The following GRIN2A variants were observed in gnomAD, a reference collection of about 807,000 sequenced individuals.
GRIN2A encodes glutamate receptor ionotropic, NMDA 2A.
A neutral mutation model predicts 113.4 loss-of-function variants in GRIN2A; 22 were observed. The ratio of observed to expected loss-of-function variants is 0.19; its 90% CI spans 0.14 to 0.28. GRIN2A has a LOEUF of 0.28. Ranked by LOEUF, GRIN2A falls within the 10% of genes least tolerant of loss-of-function variation. The pLI is 1.00. For missense variants in GRIN2A, 1,502 were observed against 1,887.0 expected, an observed-to-expected ratio of 0.80 and a Z score of 3.78; for synonymous variants, 827 against 738.4, an observed-to-expected ratio of 1.12 and a Z score of -1.94.
In GRIN2A at chr16:9,841,059, C is replaced by A. The variant is rs368221866; in HGVS notation, c.1374G>T (p.Gly458=). ...EGMNVKKCCK[G]FCIDILKKLS... is the part of the protein sequence containing the mutation. ...GCTTCTTCAGAATATCAATGCAGAA[C>A]CCCTTGCAGCATTTCTTCACATTCA... The change falls in exon 6 of 13, where the codon GGG becomes GGT. Residue 458 remains glycine, a synonymous_variant. Transcript: ENST00000330684. 2.5e-6 allele frequency: 4 copies of A among 1,613,696 alleles called. No homozygotes were observed. In the Admixed American group the frequency reaches 5.0e-5, roughly 20 times the overall value.
rs1900587702 is a variant in GRIN2A, at chr16:9,761,672, A to G, written c.*1477T>C. The G allele has an allele frequency of 8.8e-6, 2 of 227,966 alleles. No individual in the cohort carries two copies. Among genetic ancestry groups the G allele is most frequent in the African/African-American group, 4.4e-5 (2 of 45,074 alleles). 14.1% of individuals were successfully genotyped at this position (227,966 alleles called of 1,614,324 possible). A position where few individuals can be genotyped will look rare whatever the true frequency, so the allele number is the denominator to read the frequency against. ...TTGTTTTTGTGGCAGGCACTGTGCTAACAGGCTCCCCATGCATAAGTATTC... is the reference window on the plus strand; with the variant it reads ...TTGTTTTTGTGGCAGGCACTGTGCTGACAGGCTCCCCATGCATAAGTATTC... On this transcript the variant is annotated 3_prime_UTR_variant, in exon 13 of 13. Coordinates refer to ENST00000330684, the MANE Select transcript of GRIN2A (RefSeq NM_001134407.3).
intron 2 of GRIN2A, among the ~76,000 whole-genome samples, chr16:10,077,219 G>C (rs1352160307): frequency 6.6e-6 from 1 of 152,204 alleles, no homozygotes; most frequent in Non-Finnish European, 1.5e-5. Context: ...AGCCCAGTGA[G>C]ATGTGGGTGA....
intron 2 of GRIN2A, among the ~76,000 whole-genome samples, chr16:10,091,457 TACACACACACACACACACAC>T (rs35961930): frequency 4.8e-5 from 7 of 145,732 alleles, no homozygotes; most frequent in Non-Finnish European, 1.1e-4. Context: ...TGTGTGTGTA[TACACACACACACACACACAC>T]ACACACACAC....
chr16:9,932,187 T>C (rs576664146), intron 3 of GRIN2A, among the ~76,000 whole-genome samples: 1 of 152,246 alleles, frequency 6.6e-6, no homozygotes, highest in African/African-American at 2.4e-5. Context: ...GAGCAAACAA[T>C]AGATGAATGA....
At chr16:9,905,244 T>A (rs998392757) in intron 3 of GRIN2A, among the ~76,000 whole-genome samples, 8 of 152,366 alleles carry the variant, frequency 5.3e-5, no homozygotes, top group Non-Finnish European at 7.3e-5. Flanking sequence ...AATGGCAATA[T>A]GTCTGCAGCT....
At chr16:10,037,744 G>C (rs1175776104) in intron 2 of GRIN2A, among the ~76,000 whole-genome samples, 1 of 152,056 alleles carries the variant, frequency 6.6e-6, no homozygotes, top group African/African-American at 2.4e-5. Context: ...TCCCACCTCA[G>C]CCTCCTGAGT....
intron 2 of GRIN2A, among the ~76,000 whole-genome samples, chr16:10,157,582 C>T (rs2049723493): frequency 6.6e-6 from 1 of 152,134 alleles, no homozygotes; most frequent in South Asian, 2.1e-4. Context: ...GAAGCAAATA[C>T]CTTCTTCACG....
At chr16:9,890,556 T>G (rs2043673314) in intron 4 of GRIN2A, among the ~76,000 whole-genome samples, 1 of 152,234 alleles carries the variant, frequency 6.6e-6, no homozygotes, top group Non-Finnish European at 1.5e-5. Flanking sequence ...TTAAAATTAG[T>G]TTATTTAAAG....
chr16:9,864,036 A>G (rs1475889000), intron 4 of GRIN2A, among the ~76,000 whole-genome samples: 1 of 152,230 alleles, frequency 6.6e-6, no homozygotes, highest in Non-Finnish European at 1.5e-5. Flanking sequence ...CCTTTGTTAC[A>G]GTAACAGTGA....
chr16:9,893,478 T>C (rs529152005), intron 3 of GRIN2A, among the ~76,000 whole-genome samples: 88 of 152,282 alleles, frequency 5.8e-4, no homozygotes, highest in African/African-American at 1.9e-3. Flanking sequence ...TTTTTGTTAT[T>C]TTTTTTAAGA....
intron 2 of GRIN2A, among the ~76,000 whole-genome samples, chr16:10,075,215 G>C (rs1596480623): frequency 6.6e-6 from 1 of 152,042 alleles, no homozygotes; most frequent in Admixed American, 6.6e-5. Context: ...AATTTTGGTT[G>C]ATCACTTAAA....
rs577369244 is a variant in GRIN2A, at chr16:9,968,299, T to C, written c.415-29748A>G. ...ATGTATGTATGTATGTATGTATGTATGTATGTATACATGTACGTATGTATG... is the reference window on the plus strand; with the variant it reads ...ATGTATGTATGTATGTATGTATGTACGTATGTATACATGTACGTATGTATG... On this transcript the variant is annotated intron_variant, in intron 2 of 12. Coordinates refer to ENST00000330684, the MANE Select transcript of GRIN2A (RefSeq NM_001134407.3). Among the ~76,000 whole-genome samples, 28 of 152,036 alleles carry C rather than the reference T, an allele frequency of 1.8e-4. No individual in the cohort carries two copies. In the South Asian group the frequency reaches 5.4e-3, roughly 29 times the overall value.
chr16:9,941,465 A>G (rs978183556), intron 2 of GRIN2A, among the ~76,000 whole-genome samples: 2 of 152,382 alleles, frequency 1.3e-5, no homozygotes, highest in African/African-American at 4.8e-5. Flanking sequence ...AGCTCGGCAC[A>G]GGCCATCTGT....
intron 2 of GRIN2A, among the ~76,000 whole-genome samples, chr16:9,941,668 TG>T (rs557575341): frequency 2.6e-5 from 4 of 152,068 alleles, no homozygotes; most frequent in South Asian, 4.2e-4. Context: ...TGGCCTTGGA[TG>T]GGGGGGAAAA....
chr16:10,112,619 G>A, intron 2 of GRIN2A: 1 of 769,328 alleles, frequency 1.3e-6, no homozygotes, highest in South Asian at 1.3e-5. Context: ...ACTGGGGCAT[G>A]GGCTCGCTAG....
In GRIN2A at chr16:10,121,143, A is replaced by T. The variant is rs2062808775; in HGVS notation, c.414+58855T>A. Among the ~76,000 whole-genome samples the T allele has an allele frequency of 2.0e-5, 3 of 152,044 alleles. No homozygotes were observed. In the South Asian group the frequency reaches 6.2e-4, roughly 32 times the overall value. ...CAAGAAGGGTGGGGCAACCACAAAGATTGGCATCTCTGCTACACTGTATCA... is the reference window on the plus strand; with the variant it reads ...CAAGAAGGGTGGGGCAACCACAAAGTTTGGCATCTCTGCTACACTGTATCA... On this transcript the variant is annotated intron_variant, in intron 2 of 12. Transcript: ENST00000330684.
chr16:9,983,519 A>T (rs1214964383), intron 2 of GRIN2A, among the ~76,000 whole-genome samples: 4 of 150,318 alleles, frequency 2.7e-5, no homozygotes, highest in Non-Finnish European at 5.9e-5. Context: ...AGCTCACTGC[A>T]AGCTTCGCCT....
intron 2 of GRIN2A, among the ~76,000 whole-genome samples, chr16:10,068,534 T>G (rs1377067864): frequency 6.6e-6 from 1 of 152,188 alleles, no homozygotes; most frequent in Non-Finnish European, 1.5e-5. Flanking sequence ...AAGAGTTCAC[T>G]CAGTACCAAG....
intron 11 of GRIN2A, among the ~76,000 whole-genome samples, chr16:9,772,102 C>T (rs2267770): frequency 0.37 from 56,854 of 151,986 alleles, 10,973 homozygotes; most frequent in Non-Finnish European, 0.43. Flanking sequence ...GCTGATCAAT[C>T]GGTTGTGTAG....
Sources: allele counts gnomAD v4.1 joint callset (sites outside exome capture counted in the v4.1 genomes callset), GRCh38; gene constraint gnomAD v4.1.1; transcripts MANE v1.5; gene names NCBI Gene and HGNC (gene_info 2026-07-23, HGNC 2026-07-21).